The following BCOR variants were observed in gnomAD, a reference collection of about 807,000 sequenced individuals.
The protein encoded by BCOR is BCL6 corepressor, also known as BCL-6 corepressor.
A neutral mutation model predicts 86.7 loss-of-function variants in BCOR; 10 were observed. The ratio of observed to expected loss-of-function variants is 0.12; its 90% CI spans 0.07 to 0.20. BCOR has a LOEUF of 0.20. Among genes scored for constraint, BCOR ranks in the 10% least tolerant of loss-of-function variants. The probability of loss-of-function intolerance (pLI) is 1.00; values close to 1 mark genes in which losing one functional copy is unlikely to be tolerated. For synonymous variants in BCOR, 611 were observed against 609.0 expected, an observed-to-expected ratio of 1.00 and a Z score of -0.05; for missense variants, 1,259 against 1,452.1, an observed-to-expected ratio of 0.87 and a Z score of 2.16.
At chrX:40,171,098 A>G (rs948975918) in intron 1 of BCOR, among the ~76,000 whole-genome samples, 2 of 112,258 alleles carry the variant, frequency 1.8e-5, no homozygotes, top group Admixed American at 1.9e-4. Flanking sequence ...AACTGGAGCC[A>G]GAAGCCATGT....
intron 1 of BCOR, among the ~76,000 whole-genome samples, chrX:40,105,311 G>A (rs932832393): frequency 9.0e-6 from 1 of 111,409 alleles, no homozygotes; most frequent in Non-Finnish European, 1.9e-5. Flanking sequence ...CAGCAGCCAG[G>A]GGAGGGTGCT....
intron 1 of BCOR, among the ~76,000 whole-genome samples, chrX:40,085,648 C>T (rs1220677671): frequency 8.9e-6 from 1 of 111,851 alleles, no homozygotes; most frequent in Admixed American, 9.5e-5. Flanking sequence ...GTAGGCTGTA[C>T]ACCCAGAGAC....
Position 40,063,088 on chromosome X carries a change from TGACGGGGTGGCGGGCGGATGGGA to T in BCOR, c.3848-40_3848-18del. On this transcript the variant is annotated intron_variant, in intron 8 of 14. Transcript: ENST00000378444. ...CAGGCAAGCCTAAATACGGAGGGGG[TGACGGGGTGGCGGGCGGATGGGA>T]GACGGGAGAAGAAGCGGGCGTTACA... The T allele has an allele frequency of 1.3e-6, 1 of 743,320 alleles. No homozygotes were observed. The highest frequency in any genetic ancestry group is 1.7e-6 in the Non-Finnish European group (1 of 594,274). 61.3% of individuals were successfully genotyped at this position (743,320 alleles called of 1,213,427 possible). A position where few individuals can be genotyped will look rare whatever the true frequency, so the allele number is the denominator to read the frequency against.
Position 40,110,661 on chromosome X carries a change from C to CTTTTTTTTTTTTTTTT in BCOR, c.-40-32693_-40-32692insAAAAAAAAAAAAAAAA, listed in dbSNP as rs1569182584. The stretch of plus-strand genomic sequence containing the variant: ...TTTCTTTTCTTTTTTTTCTTTTTTC[C>CTTTTTTTTTTTTTTTT]TTTTTCTTTTTTTTTTTTTTTTTTT... On this transcript the variant is annotated intron_variant, in intron 1 of 14. Transcript: ENST00000342274. Among the ~76,000 whole-genome samples, 3 of 24,727 alleles carry CTTTTTTTTTTTTTTTT rather than the reference C, an allele frequency of 1.2e-4. 1 individual carries two copies. The highest frequency in any genetic ancestry group is 2.4e-3 in the East Asian group (1 of 425). 21.5% of individuals were successfully genotyped at this position (24,727 alleles called of 115,157 possible).
intron 1 of BCOR, among the ~76,000 whole-genome samples, chrX:40,111,022 C>A (rs1937304808): frequency 9.0e-6 from 1 of 110,675 alleles, no homozygotes; most frequent in African/African-American, 3.3e-5. Context: ...CGAGAATCAA[C>A]CACTTTCTAA....
chrX:40,128,509 G>A (rs769308624), intron 1 of BCOR, among the ~76,000 whole-genome samples: 57 of 111,606 alleles, frequency 5.1e-4, no homozygotes, highest in Non-Finnish European at 9.8e-4. Context: ...TCACGCCACC[G>A]CACTCTAGCC....
At chrX:40,071,914 T>C (rs979441666) in intron 4 of BCOR, 2 of 396,154 alleles carry the variant, frequency 5.0e-6, no homozygotes, top group African/African-American at 5.1e-5. Context: ...TCTTTTTTTT[T>C]TCCTTTCTTT....
In BCOR at chrX:40,055,465, T is replaced by C. The variant is rs1934545067; in HGVS notation, c.4644A>G (p.Leu1548=). 1.7e-6 allele frequency: 2 copies of C among 1,209,719 alleles called. No individual in the cohort carries two copies. The highest frequency in any genetic ancestry group is 2.2e-5 in the Admixed American group (1 of 45,774). The change falls in exon 12 of 15, where the codon CTA becomes CTG. Residue 1548 remains leucine (L), a synonymous_variant. Transcript: ENST00000378444. ...TGGGGTCAGCACCATAAGAGAGAAG[T>C]AGTCGGACAATTTCCAAGTGATCGT... ...VENDHLEIVR[L]LLSYGADPTL... is the part of the protein sequence containing the mutation.
intron 1 of BCOR, among the ~76,000 whole-genome samples, chrX:40,129,625 A>T (rs1937582339): frequency 1.8e-5 from 2 of 111,002 alleles, no homozygotes; most frequent in African/African-American, 6.5e-5. Flanking sequence ...GGAGAAGGGG[A>T]AACAGTCCAG....
intron 1 of BCOR, among the ~76,000 whole-genome samples, chrX:40,160,478 C>T (rs1445996290): frequency 3.1e-5 from 3 of 97,766 alleles, no homozygotes; most frequent in Non-Finnish European, 6.0e-5. Context: ...CCAGGCTGGG[C>T]TGGAGTGCAG....
chrX:40,119,700 C>T (rs1009483698), intron 1 of BCOR, among the ~76,000 whole-genome samples: 9 of 110,570 alleles, frequency 8.1e-5, no homozygotes, highest in African/African-American at 3.0e-4. Context: ...CACAGTGGGA[C>T]TCCTTGGGGG....
rs995168146 is a variant in BCOR at position 40,076,194 on chromosome X, G to A, written c.165+260C>T. Among the ~76,000 whole-genome samples, 4 of 111,821 alleles carry A rather than the reference G, an allele frequency of 3.6e-5. No individual in the cohort carries two copies. The Admixed American group carries it at 3.8e-4, about 11-fold the overall frequency. On this transcript the variant is annotated intron_variant, in intron 3 of 14. Transcript: ENST00000378444. Reference sequence around the variant, plus strand: ...TTATCCAGCTGGGAGCGCTGATGTGGCATCCAGCTTATGGAAGAAAAGAGA... The same window carrying A: ...TTATCCAGCTGGGAGCGCTGATGTGACATCCAGCTTATGGAAGAAAAGAGA...
At chrX:40,080,887 G>A (rs1602172962) in intron 1 of BCOR, among the ~76,000 whole-genome samples, 1 of 104,206 alleles carries the variant, frequency 9.6e-6, no homozygotes, top group East Asian at 3.1e-4. Flanking sequence ...AGGGGTGGAG[G>A]ATGGGGCTGA....
chrX:40,176,384 C>T (rs1938753355), intron 1 of BCOR, among the ~76,000 whole-genome samples: 1 of 112,960 alleles, frequency 8.9e-6, no homozygotes, highest in African/African-American at 3.2e-5. Context: ...GGAGTAGCCC[C>T]GCGGGCCCCC....
rs758345075 is a variant in BCOR at position 40,072,764 on chromosome X, C to T, written c.2582G>A (p.Arg861His). ...DFIALREELG[R>H]ISDFHETYTF... ...ATAAGTTTCGTGGAAGTCACTGATG[C>T]GCCCCAACTCCTCTCTCAGGGCGAT... is the stretch of plus-strand genomic sequence containing the variant. Residue 861 changes from arginine to histidine, a missense_variant, in exon 4 of 15, where the codon CGC (arginine) becomes CAC (histidine). Coordinates refer to ENST00000378444, the MANE Select transcript of BCOR (RefSeq NM_001123385.2). The T allele has an allele frequency of 7.4e-6, 9 of 1,209,946 alleles. No individual in the cohort carries two copies. The highest frequency in any genetic ancestry group is 4.4e-5 in the Admixed American group (2 of 45,786).
At chrX:40,079,951 TC>T (rs1043085969) in intron 1 of BCOR, among the ~76,000 whole-genome samples, 2 of 107,871 alleles carry the variant, frequency 1.9e-5, no homozygotes, top group Non-Finnish European at 3.8e-5. Context: ...TGCCAGTGTG[TC>T]CCGGTCATCG....
At chrX:40,167,809 G>A (rs1173551281) in intron 1 of BCOR, among the ~76,000 whole-genome samples, 1 of 112,981 alleles carries the variant, frequency 8.9e-6, no homozygotes, top group Non-Finnish European at 1.9e-5. Flanking sequence ...CATAATTAGA[G>A]ATGACCTTTG....
intron 1 of BCOR, among the ~76,000 whole-genome samples, chrX:40,150,920 G>C (rs1602267834): frequency 8.9e-6 from 1 of 112,378 alleles, no homozygotes; most frequent in Non-Finnish European, 1.9e-5. Context: ...CTCAACCATG[G>C]GGCCGAGCTC....
intron 1 of BCOR, among the ~76,000 whole-genome samples, chrX:40,105,313 G>T (rs1400504736): frequency 9.0e-6 from 1 of 111,449 alleles, no homozygotes; most frequent in Non-Finnish European, 1.9e-5. Flanking sequence ...GCAGCCAGGG[G>T]AGGGTGCTCC....
Sources: gnomAD v4.1 joint callset for allele counts (sites outside exome capture counted in the v4.1 genomes callset) on GRCh38, gnomAD v4.1.1 for gene constraint, MANE v1.5 for transcripts, NCBI Gene and HGNC (gene_info 2026-07-23, HGNC 2026-07-21) for gene names.